PAN3: variants seen among roughly 807,000 people sequenced by gnomAD.
The protein encoded by PAN3 is poly(A) specific ribonuclease subunit PAN3.
Under a neutral mutation model 96.2 loss-of-function variants are expected in PAN3, and 19 were observed. The ratio of observed to expected loss-of-function variants is 0.20; its 90% CI spans 0.14 to 0.29. The LOEUF (loss-of-function observed/expected upper bound fraction) is 0.29. Ranked by LOEUF, PAN3 falls within the 10% of genes least tolerant of loss-of-function variation. PAN3 has a pLI of 1.00. For missense variants in PAN3, 882 were observed against 1,108.1 expected (o/e 0.80, Z 2.90); for synonymous variants, 433 against 406.6 (o/e 1.06, Z -0.78).
chr13:28,273,617 A>C (rs1886820389), intron 14 of PAN3, among the ~76,000 whole-genome samples: 1 of 152,112 alleles, frequency 6.6e-6, no homozygotes, highest in Admixed American at 6.5e-5. Context: ...AAAAAAGAGA[A>C]TAGTTGTTTT....
At chr13:28,157,437 T>TA (rs1356975393) in intron 1 of PAN3, among the ~76,000 whole-genome samples, 1 of 152,148 alleles carries the variant, frequency 6.6e-6, no homozygotes, top group African/African-American at 2.4e-5. Context: ...CTGTATATGA[T>TA]ATGATTTTAT....
chr13:28,216,728 T>C (rs761705537), intron 5 of PAN3, among the ~76,000 whole-genome samples: 4 of 152,160 alleles, frequency 2.6e-5, no homozygotes, highest in Non-Finnish European at 4.4e-5. Flanking sequence ...TTTTTTCTTA[T>C]AGGCCTTTTT....
chr13:28,223,930 G>T (rs1332166997), intron 6 of PAN3, among the ~76,000 whole-genome samples: 1 of 139,110 alleles, frequency 7.2e-6, no homozygotes, highest in African/African-American at 2.8e-5. Flanking sequence ...TCCCAGGCTG[G>T]AGTGCGTGGC....
chr13:28,194,697 T>A (rs1392784806), intron 4 of PAN3, among the ~76,000 whole-genome samples: 1 of 151,968 alleles, frequency 6.6e-6, no homozygotes, highest in Non-Finnish European at 1.5e-5. Context: ...CTTGAACTCC[T>A]GAGCTCAGGC....
At chr13:28,196,655 A>G (rs1424580116) in intron 4 of PAN3, among the ~76,000 whole-genome samples, 1 of 152,056 alleles carries the variant, frequency 6.6e-6, no homozygotes, top group African/African-American at 2.4e-5. Context: ...GCATAGAATT[A>G]AAATTTTTTA....
At chr13:28,283,686 A>T (rs141942066) in intron 17 of PAN3, among the ~76,000 whole-genome samples, 3 of 152,382 alleles carry the variant, frequency 2.0e-5, no homozygotes, top group Non-Finnish European at 1.5e-5. Flanking sequence ...GTTTACAAAT[A>T]TGACCTGACT....
In PAN3 at chr13:28,253,785, T is replaced by A. The variant is rs74650840; in HGVS notation, c.1001-2507T>A. Among the ~76,000 whole-genome samples the A allele has an allele frequency of 6.9e-3, 1,045 of 152,230 alleles. 11 individuals are homozygous for A. Among genetic ancestry groups the A allele is most frequent in the African/African-American group, 0.024 (1,009 of 41,526 alleles). On this transcript the variant is annotated intron_variant, in intron 6 of 18. Coordinates refer to ENST00000380958, the MANE Select transcript of PAN3 (RefSeq NM_175854.8). ...CCACTGCACTCAGCTTACATTTGAATGTATTTAAGTAACTCCAGTCAGCCT... is the reference window on the plus strand; with the variant it reads ...CCACTGCACTCAGCTTACATTTGAAAGTATTTAAGTAACTCCAGTCAGCCT...
chr13:28,287,840 A>T, intron 17 of PAN3, 144 bp from the exon 18 acceptor site: 1 of 645,302 alleles, frequency 1.5e-6, no homozygotes, highest in Non-Finnish European at 2.4e-6. Context: ...CAGTTAGATT[A>T]TTTTTTAAAA....
chr13:28,178,474 G>A (rs1018493740), intron 4 of PAN3, among the ~76,000 whole-genome samples: 4 of 152,054 alleles, frequency 2.6e-5, no homozygotes, highest in Non-Finnish European at 5.9e-5. Context: ...ATTTTATAAG[G>A]ACTGATGTTG....
intron 9 of PAN3, among the ~76,000 whole-genome samples, chr13:28,262,572 T>C (rs1051844201): frequency 1.3e-5 from 2 of 152,124 alleles, no homozygotes; most frequent in Non-Finnish European, 2.9e-5. Flanking sequence ...CTTAACTGTT[T>C]AATATTGTAT....
At chr13:28,143,108 G>GT (rs1158617246) in intron 1 of PAN3, among the ~76,000 whole-genome samples, 128 of 151,472 alleles carry the variant, frequency 8.5e-4, no homozygotes, top group African/African-American at 3.0e-3. Context: ...TTTTGTTTTT[G>GT]TTTTTGTTTT....
chr13:28,274,275 TCTTATA>T (rs1290794132), intron 14 of PAN3, among the ~76,000 whole-genome samples: 3 of 152,182 alleles, frequency 2.0e-5, no homozygotes, highest in African/African-American at 7.2e-5. Context: ...TTATCTTCTC[TCTTATA>T]CTTAGTGCCT....
chr13:28,283,135 G>A (rs1033067735), intron 17 of PAN3, among the ~76,000 whole-genome samples: 2 of 151,472 alleles, frequency 1.3e-5, no homozygotes, highest in Admixed American at 1.3e-4. Context: ...TGCAACCCTC[G>A]CCTCCCAGGA....
At chr13:28,290,829 G>T (rs1320200512) in intron 18 of PAN3, among the ~76,000 whole-genome samples, 2 of 152,148 alleles carry the variant, frequency 1.3e-5, no homozygotes. Context: ...AGATTTTAGA[G>T]CATAGTATCA....
At chr13:28,229,014 C>G (rs1882280128) in intron 6 of PAN3, among the ~76,000 whole-genome samples, 1 of 152,140 alleles carries the variant, frequency 6.6e-6, no homozygotes, top group African/African-American at 2.4e-5. Flanking sequence ...CAGCATCTCT[C>G]AAGTGAGCTA....
At chr13:28,195,829 C>T (rs572650241) in intron 4 of PAN3, among the ~76,000 whole-genome samples, 1 of 152,244 alleles carries the variant, frequency 6.6e-6, no homozygotes, top group African/African-American at 2.4e-5. Flanking sequence ...GCCACTGCAC[C>T]CAGCCTTGTC....
At chr13:28,244,421 A>C (rs1883978054) in intron 6 of PAN3, among the ~76,000 whole-genome samples, 1 of 152,190 alleles carries the variant, frequency 6.6e-6, no homozygotes, top group South Asian at 2.1e-4. Flanking sequence ...TATTTTATCT[A>C]TATAACCATC....
intron 6 of PAN3, among the ~76,000 whole-genome samples, chr13:28,226,366 C>A (rs1379889305): frequency 6.6e-6 from 1 of 152,208 alleles, no homozygotes; most frequent in East Asian, 1.9e-4. Context: ...ATAATTACAG[C>A]TCAAATTAAT....
chr13:28,150,962 A>AAAGGTAATAGAGTAAGAGGC (rs1871288890), intron 1 of PAN3, among the ~76,000 whole-genome samples: 1 of 152,180 alleles, frequency 6.6e-6, no homozygotes, highest in Non-Finnish European at 1.5e-5. Flanking sequence ...CTAAAAACAA[A>AAAGGTAATAGAGTAAGAGGC]AAGGTAATAG....
Sources: allele counts gnomAD v4.1 joint callset (sites outside exome capture counted in the v4.1 genomes callset), GRCh38; gene constraint gnomAD v4.1.1; transcripts MANE v1.5; gene names NCBI Gene and HGNC (gene_info 2026-07-23, HGNC 2026-07-21).